Variants in DNMT1 observed in about 807,000 individuals in gnomAD.
DNMT1 encodes the protein DNA (cytosine-5)-methyltransferase 1.
Under a neutral mutation model 205.3 loss-of-function variants are expected in DNMT1, and 24 were observed. That is an observed-to-expected ratio of 0.12 (90% CI 0.08 to 0.16). The LOEUF (loss-of-function observed/expected upper bound fraction) is 0.16. Ranked by LOEUF, DNMT1 falls within the 10% of genes least tolerant of loss-of-function variation. The pLI is 1.00. For synonymous variants in DNMT1, 817 were observed against 839.8 expected, an observed-to-expected ratio of 0.97 and a Z score of 0.47; for missense variants, 1,293 against 2,177.7, an observed-to-expected ratio of 0.59 and a Z score of 8.09.
intron 1 of DNMT1, among the ~76,000 whole-genome samples, chr19:10,187,145 T>C (rs2039202226): frequency 6.6e-6 from 1 of 151,606 alleles, no homozygotes; most frequent in Non-Finnish European, 1.5e-5. Context: ...TCTTGTTCCA[T>C]AGTTAACAAA....
At chr19:10,162,841 A>T in intron 12 of DNMT1, 93 bp from the exon 13 acceptor site, 2 of 1,386,766 alleles carry the variant, frequency 1.4e-6, no homozygotes, top group South Asian at 1.2e-5. Context: ...ATGCCTCCCC[A>T]TGGGAAAGCA....
chr19:10,178,173 C>G (rs1429627476), intron 5 of DNMT1, among the ~76,000 whole-genome samples: 2 of 150,910 alleles, frequency 1.3e-5, no homozygotes, highest in African/African-American at 4.9e-5. Flanking sequence ...AAAAAAATCA[C>G]TTGAACCCAG....
intron 1 of DNMT1, among the ~76,000 whole-genome samples, chr19:10,182,505 A>G (rs1180434862): frequency 4.6e-5 from 6 of 131,614 alleles, no homozygotes; most frequent in African/African-American, 1.2e-4. Context: ...ATATGTGTGT[A>G]TATATATACA....
chr19:10,134,324 G>A lies in DNMT1; in HGVS notation c.4774-17C>T, dbSNP rs879853815. ...ATTGCCCACCTGCAGGAGGGGAGAAGGGCAATGCCTGATGTGGACACCCAG... is the reference window on the plus strand; with the variant it reads ...ATTGCCCACCTGCAGGAGGGGAGAAAGGCAATGCCTGATGTGGACACCCAG... On this transcript the variant is annotated splice_polypyrimidine_tract_variant and intron_variant, in intron 39 of 40. Transcript: ENST00000359526. 4.3e-6 allele frequency: 7 copies of A among 1,612,956 alleles called. No individual in the cohort carries two copies. Among genetic ancestry groups the A allele is most frequent in the East Asian group, 4.5e-5 (2 of 44,896 alleles).
intron 39 of DNMT1, 50 bp downstream of exon 39, chr19:10,135,686 G>C (rs1277604275): frequency 6.3e-7 from 1 of 1,580,678 alleles, no homozygotes; most frequent in South Asian, 1.1e-5. Context: ...CTGGTGACAG[G>C]CACAGAAGCC....
rs983066474 is a variant in DNMT1 at position 10,166,456 on chromosome 19, C to T, written c.891+142G>A. 4.0e-6 allele frequency: 4 copies of T among 993,468 alleles called. No individual in the cohort carries two copies. The African/African-American group carries it at 4.8e-5, about 12-fold the overall frequency. 61.5% of individuals were successfully genotyped at this position (993,468 alleles called of 1,614,324 possible). A position where few individuals can be genotyped will look rare whatever the true frequency, so the allele number is the denominator to read the frequency against. On this transcript the variant is annotated intron_variant, in intron 11 of 40. Coordinates refer to ENST00000359526, the MANE Select transcript of DNMT1 (RefSeq NM_001130823.3). ...GCCCCCAAAAGGAGGAAAAGGTGAC[C>T]TTCCCAGAGTCTGGATGGCCCCATG...
intron 1 of DNMT1, among the ~76,000 whole-genome samples, chr19:10,185,080 A>G (rs910972905): frequency 6.6e-6 from 1 of 152,176 alleles, no homozygotes; most frequent in African/African-American, 2.4e-5. Flanking sequence ...AAGTGATTAG[A>G]TGTAGGTGTC....
At chr19:10,145,619 C>T (rs973894618) in intron 28 of DNMT1, among the ~76,000 whole-genome samples, 5 of 152,314 alleles carry the variant, frequency 3.3e-5, no homozygotes, top group Admixed American at 1.3e-4. Flanking sequence ...TTCCCTCTAA[C>T]CAAGAAGTAA....
chr19:10,163,594 G>A (rs896664161), intron 11 of DNMT1, among the ~76,000 whole-genome samples: 9 of 152,264 alleles, frequency 5.9e-5, no homozygotes, highest in African/African-American at 1.7e-4. Context: ...TCCTAGACCA[G>A]GGCTTGGCAA....
At chr19:10,158,987 C>T (rs1476243744) in intron 17 of DNMT1, among the ~76,000 whole-genome samples, 5 of 152,232 alleles carry the variant, frequency 3.3e-5, no homozygotes, top group Non-Finnish European at 7.3e-5. Context: ...CTTTTAAAAT[C>T]TGTCGTGGCT....
intron 5 of DNMT1, among the ~76,000 whole-genome samples, chr19:10,177,794 G>A (rs570153717): frequency 5.9e-5 from 9 of 152,104 alleles, no homozygotes; most frequent in Admixed American, 1.3e-4. Context: ...TTAGCTGGGC[G>A]TGGTGGTACA....
Position 10,154,789 on chromosome 19 carries a change from G to T in DNMT1, c.1645-16C>A. ...GAACCGTGGTCTTGAAAGAGAACAG[G>T]TTTCTCTCATGCTTAAGCCAAACTG... On this transcript the variant is annotated splice_polypyrimidine_tract_variant and intron_variant, in intron 20 of 40. Transcript: ENST00000359526. The surrounding 1 kb of genome is among the most constrained non-coding windows in gnomAD (Gnocchi z 6.3). 4 of 1,614,214 alleles carry T rather than the reference G, an allele frequency of 2.5e-6. No homozygotes were observed. The highest frequency in any genetic ancestry group is 3.4e-6 in the Non-Finnish European group (4 of 1,180,046).
chr19:10,194,709 C>A, intron 1 of DNMT1, 111 bp downstream of exon 1: 1 of 1,398,572 alleles, frequency 7.2e-7, no homozygotes, highest in South Asian at 1.4e-5. Flanking sequence ...CCACCCCACG[C>A]ATGCGCGCCC....
intron 17 of DNMT1, among the ~76,000 whole-genome samples, chr19:10,157,859 C>G (rs530768917): frequency 1.8e-4 from 28 of 152,310 alleles, no homozygotes; most frequent in African/African-American, 6.5e-4. Context: ...GCTGGAGGCT[C>G]TCTCCATAGG....
At chr19:10,173,977 G>A (rs1190315297) in intron 7 of DNMT1, 72 bp from the exon 8 acceptor site, 1 of 1,429,986 alleles carries the variant, frequency 7.0e-7, no homozygotes, top group African/African-American at 1.4e-5. Context: ...CCAAAAGTGT[G>A]AGTTGAAATA....
chr19:10,186,936 C>G (rs1009580994), intron 1 of DNMT1, among the ~76,000 whole-genome samples: 2 of 150,028 alleles, frequency 1.3e-5, no homozygotes, highest in African/African-American at 4.9e-5. Context: ...AAGGGTATAA[C>G]AGCCTCAGGA....
At chr19:10,148,342 A>G (rs2038250012) in intron 27 of DNMT1, among the ~76,000 whole-genome samples, 1 of 149,664 alleles carries the variant, frequency 6.7e-6, no homozygotes, top group Admixed American at 6.6e-5. Context: ...TAAAAATACA[A>G]AAAACTAGCC....
At chr19:10,136,099 C>T (rs578254567) in intron 38 of DNMT1, 22 bp downstream of exon 38, 12 of 1,613,746 alleles carry the variant, frequency 7.4e-6, no homozygotes, top group Admixed American at 3.3e-5. Flanking sequence ...CCCAGGCCCT[C>T]GGATGCCCCC....
chr19:10,168,545 G>C (rs1202513524), intron 9 of DNMT1, among the ~76,000 whole-genome samples, 181 bp from the exon 10 acceptor site: 16 of 152,162 alleles, frequency 1.1e-4, no homozygotes, highest in Admixed American at 1.0e-3. Context: ...GAAGGCTGAG[G>C]TGAGAGGATC....
Sources: gnomAD v4.1 joint callset for allele counts (sites outside exome capture counted in the v4.1 genomes callset) on GRCh38, gnomAD v4.1.1 for gene constraint, Gnocchi (gnomAD v3.1) non-coding constraint, MANE v1.5 for transcripts, NCBI Gene and HGNC (gene_info 2026-07-23, HGNC 2026-07-21) for gene names.